Variants in KLRB1 observed in about 807,000 individuals in gnomAD.
KLRB1 encodes killer cell lectin like receptor B1.
In KLRB1, 27 loss-of-function variants were observed where a neutral mutation model predicts 33.5. The ratio of observed to expected loss-of-function variants is 0.81; its 90% CI spans 0.59 to 1.11. KLRB1 has a LOEUF of 1.11. Ranked by LOEUF, KLRB1 falls within the 50% of genes most tolerant of loss-of-function variation. The probability of loss-of-function intolerance (pLI) is 0.00; values close to 1 mark genes in which losing one functional copy is unlikely to be tolerated. For missense variants in KLRB1, 241 were observed against 254.1 expected (o/e 0.95, Z 0.35); for synonymous variants, 64 against 88.9 (o/e 0.72, Z 1.58).
intron 1 of KLRB1, among the ~76,000 whole-genome samples, chr12:9,603,359 A>C (rs1277814628): frequency 2.0e-5 from 3 of 151,210 alleles, no homozygotes; most frequent in Non-Finnish European, 4.4e-5. Context: ...CTTCCTTGAA[A>C]CTCTAAGTTT....
chr12:9,607,400 C>CTT (rs1555097856), intron 1 of KLRB1, among the ~76,000 whole-genome samples: 1 of 72,970 alleles, frequency 1.4e-5, no homozygotes, highest in Non-Finnish European at 3.2e-5. Flanking sequence ...TTCTTTCTTT[C>CTT]TTTCTTTTCT....
At chr12:9,596,799 T>C (rs1171686219) in intron 5 of KLRB1, among the ~76,000 whole-genome samples, 3 of 152,156 alleles carry the variant, frequency 2.0e-5, no homozygotes, top group Non-Finnish European at 4.4e-5. Flanking sequence ...AAACTATACT[T>C]AATAAATGCT....
At chr12:9,601,068 G>A (rs368203476) in intron 2 of KLRB1, among the ~76,000 whole-genome samples, 2 of 96,402 alleles carry the variant, frequency 2.1e-5, no homozygotes, top group South Asian at 4.6e-4. Context: ...TAGGACCTGC[G>A]GGCAGCAATA....
chr12:9,604,369 C>T (rs957810055), intron 1 of KLRB1, among the ~76,000 whole-genome samples: 19 of 151,400 alleles, frequency 1.3e-4, no homozygotes, highest in Non-Finnish European at 1.6e-4. Flanking sequence ...TTTAAGCTGG[C>T]GCCCACTTCT....
intron 1 of KLRB1, among the ~76,000 whole-genome samples, chr12:9,604,872 G>A (rs186025998): frequency 6.6e-6 from 1 of 151,928 alleles, no homozygotes; most frequent in African/African-American, 2.4e-5. Flanking sequence ...AAGTTCTAGG[G>A]TACATGGGCA....
intron 1 of KLRB1, among the ~76,000 whole-genome samples, 196 bp from the exon 2 acceptor site, chr12:9,601,795 C>T (rs1864546322): frequency 6.6e-6 from 1 of 152,144 alleles, no homozygotes; most frequent in Non-Finnish European, 1.5e-5. Context: ...GATGGGTTCT[C>T]AGATCCAACA....
At chr12:9,597,787 C>T (rs748605381) in intron 5 of KLRB1, among the ~76,000 whole-genome samples, 7 of 152,142 alleles carry the variant, frequency 4.6e-5, no homozygotes, top group East Asian at 1.9e-4. Flanking sequence ...TTAATGTGCC[C>T]GTTTCAAATA....
intron 1 of KLRB1, among the ~76,000 whole-genome samples, chr12:9,607,343 T>TCTTCCTTCCTTC (rs1402075077): frequency 1.3e-4 from 9 of 68,116 alleles, no homozygotes; most frequent in East Asian, 4.8e-4. Context: ...TTCCTTTCTT[T>TCTTCCTTCCTTC]CTTTCTTTCT....
intron 1 of KLRB1, among the ~76,000 whole-genome samples, chr12:9,607,384 C>CTT (rs1459994510): frequency 3.5e-5 from 3 of 85,526 alleles, no homozygotes; most frequent in Non-Finnish European, 5.0e-5. Flanking sequence ...TTCTTTCTTT[C>CTT]TTTCTTTCTT....
intron 4 of KLRB1, 68 bp downstream of exon 4, chr12:9,598,431 T>C: frequency 7.8e-7 from 1 of 1,284,580 alleles, no homozygotes; most frequent in Non-Finnish European, 1.0e-6. Flanking sequence ...CCTGGGCTAA[T>C]GCACAGACAT....
chr12:9,600,282 T>C (rs1351829564), intron 2 of KLRB1, among the ~76,000 whole-genome samples: 1 of 152,218 alleles, frequency 6.6e-6, no homozygotes, highest in East Asian at 1.9e-4. Context: ...CAATTGTGAT[T>C]TTTTTCAAAA....
chr12:9,595,121 G>C lies in KLRB1; in HGVS notation c.*153C>G. On this transcript the variant is annotated 3_prime_UTR_variant, in exon 6 of 6. Coordinates refer to ENST00000229402, the MANE Select transcript of KLRB1 (RefSeq NM_002258.3). ...TTAATAGAATGAATATGATAAACAT[G>C]AACTTCTGTAAGATTCATAACAGTT... is the stretch of plus-strand genomic sequence containing the variant. The C allele has an allele frequency of 1.1e-5, 7 of 627,056 alleles. No homozygotes were observed. In the South Asian group the frequency reaches 1.6e-4, roughly 14 times the overall value. The allele number at this position is 627,056 out of a possible 1,614,324, so 38.8% of individuals were successfully genotyped here.
rs1369442589 is a variant in KLRB1 at position 9,607,628 on chromosome 12, C to T, written c.85+127G>A. On this transcript the variant is annotated intron_variant, in intron 1 of 5. Coordinates refer to ENST00000229402, the MANE Select transcript of KLRB1 (RefSeq NM_002258.3). ...GATTATCTACAGGCAAGCCATGCAA[C>T]ACCCGTTAAACATTAATATAAAACT... The T allele has an allele frequency of 6.2e-6, 4 of 642,644 alleles. No individual in the cohort carries two copies. In the Admixed American group the frequency reaches 8.5e-5, roughly 14 times the overall value. 39.8% of individuals were successfully genotyped at this position (642,644 alleles called of 1,614,324 possible). A position where few individuals can be genotyped will look rare whatever the true frequency, so the allele number is the denominator to read the frequency against.
Position 9,595,138 on chromosome 12 carries a change from A to C in KLRB1, c.*136T>G, listed in dbSNP as rs1406517567. ...ATAAACATGAACTTCTGTAAGATTC[A>C]TAACAGTTGTCAATTCTCAGAATTG... is the stretch of plus-strand genomic sequence containing the variant. On this transcript the variant is annotated 3_prime_UTR_variant, in exon 6 of 6. Coordinates refer to ENST00000229402, the MANE Select transcript of KLRB1 (RefSeq NM_002258.3). 1 of 669,210 alleles carries C rather than the reference A, an allele frequency of 1.5e-6. No individual in the cohort carries two copies. Among genetic ancestry groups the C allele is most frequent in the African/African-American group, 1.8e-5 (1 of 54,060 alleles). 41.5% of individuals were successfully genotyped at this position (669,210 alleles called of 1,614,324 possible).
chr12:9,595,516 A>G, intron 5 of KLRB1, 95 bp from the exon 6 acceptor site: 1 of 1,144,850 alleles, frequency 8.7e-7, no homozygotes, highest in Non-Finnish European at 1.3e-6. Flanking sequence ...AGGAAGCAGT[A>G]GAATGATAAA....
At chr12:9,607,415 T>TTCTTTTCTTTTCTTTTCTTTTTG (rs1591659491) in intron 1 of KLRB1, among the ~76,000 whole-genome samples, 4 of 103,234 alleles carry the variant, frequency 3.9e-5, no homozygotes, top group South Asian at 4.3e-4. Flanking sequence ...TTTTCTTTCT[T>TTCTTTTCTTTTCTTTTCTTTTTG]TCTTTCTTTC....
At chr12:9,598,784 A>C (rs746845313) in intron 3 of KLRB1, 131 bp from the exon 4 acceptor site, 41 of 570,502 alleles carry the variant, frequency 7.2e-5, no homozygotes, top group South Asian at 4.2e-4. Context: ...GAGAACAATG[A>C]ATTTGTTATA....
At chr12:9,596,753 A>G (rs1385280221) in intron 5 of KLRB1, among the ~76,000 whole-genome samples, 1 of 152,204 alleles carries the variant, frequency 6.6e-6, no homozygotes, top group Non-Finnish European at 1.5e-5. Flanking sequence ...TAAAATAAAC[A>G]TTTTGCATTA....
intron 1 of KLRB1, among the ~76,000 whole-genome samples, chr12:9,603,218 T>C (rs1864563142): frequency 6.6e-6 from 1 of 152,176 alleles, no homozygotes. Flanking sequence ...GAACTTCTAA[T>C]GAGAGCTGGT....
Sources: gnomAD v4.1 joint callset for allele counts (sites outside exome capture counted in the v4.1 genomes callset) on GRCh38, gnomAD v4.1.1 for gene constraint, MANE v1.5 for transcripts, NCBI Gene and HGNC (gene_info 2026-07-23, HGNC 2026-07-21) for gene names.